Variants in ELOVL6 observed in about 807,000 individuals in gnomAD.
The protein encoded by ELOVL6 is ELOVL fatty acid elongase 6, also known as very long chain fatty acid elongase 6.
Under a neutral mutation model 31.7 loss-of-function variants are expected in ELOVL6, and 8 were observed. The observed-to-expected ratio is 0.25, with a 90% CI of 0.15 to 0.45. The LOEUF (loss-of-function observed/expected upper bound fraction) is 0.45. ELOVL6 is among the 20% of genes least tolerant of loss of function. The pLI is 1.00. For synonymous variants in ELOVL6, 101 were observed against 117.7 expected (o/e 0.86, Z 0.92); for missense variants, 126 against 326.4 (o/e 0.39, Z 4.73).
chr4:110,177,384 C>A (rs1019022809), intron 1 of ELOVL6, among the ~76,000 whole-genome samples: 2 of 152,168 alleles, frequency 1.3e-5, no homozygotes, highest in East Asian at 3.9e-4. Context: ...CTGCAATAAG[C>A]TGTAATCATG....
chr4:110,125,355 G>A (rs1378385688), intron 1 of ELOVL6, among the ~76,000 whole-genome samples: 1 of 151,998 alleles, frequency 6.6e-6, no homozygotes, highest in Non-Finnish European at 1.5e-5. Context: ...TTTTTAAAAA[G>A]TCTTTCTACA....
At chr4:110,072,430 C>T (rs1004468221) in intron 2 of ELOVL6, among the ~76,000 whole-genome samples, 14 of 152,242 alleles carry the variant, frequency 9.2e-5, no homozygotes, top group African/African-American at 3.1e-4. Context: ...GAGCCAAGAT[C>T]GCACCAATGT....
chr4:110,148,060 G>A (rs1361422584), intron 1 of ELOVL6, among the ~76,000 whole-genome samples: 1 of 140,284 alleles, frequency 7.1e-6, no homozygotes, highest in Non-Finnish European at 1.5e-5. Context: ...AGTGAGCCGA[G>A]ATTGTGCCAT....
Position 110,137,862 on chromosome 4 carries a change from C to A in ELOVL6, c.90-32234G>T, listed in dbSNP as rs1272737533. Among the ~76,000 whole-genome samples, 6 of 152,324 alleles carry A rather than the reference C, an allele frequency of 3.9e-5. No individual in the cohort carries two copies. In the East Asian group the frequency reaches 7.7e-4, roughly 20 times the overall value. On this transcript the variant is annotated intron_variant, in intron 1 of 3. Coordinates refer to ENST00000302274, the MANE Select transcript of ELOVL6 (RefSeq NM_024090.3). Reference sequence around the variant, plus strand: ...CAACAGAACTGTGCACATTCATTTACATGATTAGGGCAGAGCTTAACTGTA... The same window carrying A: ...CAACAGAACTGTGCACATTCATTTAAATGATTAGGGCAGAGCTTAACTGTA...
chr4:110,183,097 G>A (rs1759337847), intron 1 of ELOVL6, among the ~76,000 whole-genome samples: 1 of 151,896 alleles, frequency 6.6e-6, no homozygotes, highest in Admixed American at 6.6e-5. Context: ...ATTTTACCCC[G>A]AGGCTTCTAG....
intron 2 of ELOVL6, among the ~76,000 whole-genome samples, chr4:110,092,818 CA>C (rs1200665009): frequency 6.6e-6 from 1 of 152,010 alleles, no homozygotes; most frequent in Non-Finnish European, 1.5e-5. Context: ...CACACACACA[CA>C]CGTGCACACA....
rs183379314 is a variant in ELOVL6 at position 110,111,608 on chromosome 4, T to C, written c.90-5980A>G. ...ATTTACATGGTAACACATGGTTATA[T>C]AGGGGGTCAGTAGCAAATGTGTGTT... On this transcript the variant is annotated intron_variant, in intron 1 of 3. Transcript: ENST00000302274. Among the ~76,000 whole-genome samples, 188 of 152,252 alleles carry C rather than the reference T, an allele frequency of 1.2e-3. 1 individual carries two copies. Among genetic ancestry groups the C allele is most frequent in the Non-Finnish European group, 2.2e-3 (151 of 68,010 alleles).
intron 2 of ELOVL6, among the ~76,000 whole-genome samples, chr4:110,071,163 A>G (rs1560806111): frequency 6.6e-6 from 1 of 152,220 alleles, no homozygotes; most frequent in Non-Finnish European, 1.5e-5. Context: ...GCAGAGTCAT[A>G]AGCTCCGGCT....
At chr4:110,168,124 C>T (rs960181082) in intron 1 of ELOVL6, among the ~76,000 whole-genome samples, 2 of 151,894 alleles carry the variant, frequency 1.3e-5, no homozygotes, top group Non-Finnish European at 2.9e-5. Context: ...AAAAGAGATT[C>T]AATGAAAAAA....
intron 1 of ELOVL6, among the ~76,000 whole-genome samples, chr4:110,151,723 G>A (rs1758284387): frequency 6.6e-6 from 1 of 152,184 alleles, no homozygotes; most frequent in African/African-American, 2.4e-5. Context: ...ATAAATAAGA[G>A]ATGGACTTTT....
intron 1 of ELOVL6, among the ~76,000 whole-genome samples, chr4:110,135,801 A>G (rs541453327): frequency 3.3e-5 from 5 of 152,312 alleles, no homozygotes; most frequent in Non-Finnish European, 5.9e-5. Context: ...TTCAGAGAAG[A>G]TCCTTCAAGA....
At chr4:110,095,512 G>C (rs1445267538) in intron 2 of ELOVL6, among the ~76,000 whole-genome samples, 1 of 151,352 alleles carries the variant, frequency 6.6e-6, no homozygotes, top group African/African-American at 2.4e-5. Context: ...ATGAAATTAG[G>C]AATGGGCAAG....
intron 1 of ELOVL6, 169 bp downstream of exon 1, chr4:110,198,078 C>A (rs76063861): frequency 1.9e-5 from 5 of 267,054 alleles, no homozygotes; most frequent in Admixed American, 6.5e-5. Flanking sequence ...TCATGTACCC[C>A]CCCCCCCCCA....
intron 2 of ELOVL6, among the ~76,000 whole-genome samples, chr4:110,065,463 C>A (rs1174194408): frequency 6.6e-6 from 1 of 152,080 alleles, no homozygotes; most frequent in East Asian, 1.9e-4. Context: ...CCCATTTCTA[C>A]AAATGCGAAA....
chr4:110,057,803 A>G (rs1167870823), intron 3 of ELOVL6, among the ~76,000 whole-genome samples: 1 of 149,590 alleles, frequency 6.7e-6, no homozygotes, highest in African/African-American at 2.5e-5. Context: ...GTGAGCCGAG[A>G]TCGCGCCACT....
intron 1 of ELOVL6, among the ~76,000 whole-genome samples, chr4:110,121,791 A>G (rs1425446272): frequency 6.6e-6 from 1 of 152,226 alleles, no homozygotes; most frequent in Non-Finnish European, 1.5e-5. Context: ...TACACTTGCA[A>G]TTCACTTTGT....
chr4:110,082,734 C>T (rs11726685), intron 2 of ELOVL6, among the ~76,000 whole-genome samples: 37,744 of 151,868 alleles, frequency 0.25, 4,914 homozygotes, highest in Non-Finnish European at 0.29. Flanking sequence ...CCCTAAAACT[C>T]AAAGTATAAT....
chr4:110,145,833 G>A (rs1373883236), intron 1 of ELOVL6, among the ~76,000 whole-genome samples: 1 of 152,046 alleles, frequency 6.6e-6, no homozygotes, highest in Non-Finnish European at 1.5e-5. Flanking sequence ...TTCCTTGCAT[G>A]GTTTGTTAAA....
intron 1 of ELOVL6, among the ~76,000 whole-genome samples, chr4:110,158,105 T>A (rs1169329467): frequency 1.3e-5 from 2 of 152,242 alleles, no homozygotes; most frequent in African/African-American, 4.8e-5. Context: ...AGAAAATCAT[T>A]ATATTATGCT....
Sources: gnomAD v4.1 joint callset for allele counts (sites outside exome capture counted in the v4.1 genomes callset) on GRCh38, gnomAD v4.1.1 for gene constraint, MANE v1.5 for transcripts, NCBI Gene and HGNC (gene_info 2026-07-23, HGNC 2026-07-21) for gene names.